The following BAHCC1 variants were observed in gnomAD, a reference collection of about 807,000 sequenced individuals.
BAHCC1 encodes the protein BAH domain and coiled-coil containing 1, also known as BAH and coiled-coil domain-containing protein 1.
Under a neutral mutation model 88.2 loss-of-function variants are expected in BAHCC1, and 43 were observed. The ratio of observed to expected loss-of-function variants is 0.49; its 90% CI spans 0.38 to 0.63. The LOEUF (loss-of-function observed/expected upper bound fraction) is 0.63. Among genes scored for constraint, BAHCC1 ranks in the 20% least tolerant of loss-of-function variants. The probability of loss-of-function intolerance (pLI) is 0.00; values close to 1 mark genes in which losing one functional copy is unlikely to be tolerated. For missense variants in BAHCC1, 3,023 were observed against 1,654.8 expected (o/e 1.83, Z -14.34); for synonymous variants, 1,510 against 745.5 (o/e 2.03, Z -16.71).
chr17:81,407,927 A>C (rs1200642981), intron 2 of BAHCC1, among the ~76,000 whole-genome samples: 1 of 152,182 alleles, frequency 6.6e-6, no homozygotes, highest in Non-Finnish European at 1.5e-5. Context: ...TTGCTTAGTG[A>C]CTGGCACGGG....
Position 81,399,282 on chromosome 17 carries a change from G to C in BAHCC1, c.-206-252G>C. ...ACGGGAGGCGGCGAGCAGTGCGGCT[G>C]GGTTCCCCCGGCTGCCCCGGGCCAA... On this transcript the variant is annotated intron_variant, in intron 1 of 27. Coordinates refer to ENST00000675386, the MANE Select transcript of BAHCC1 (RefSeq NM_001377448.1). The surrounding 1 kb of genome is among the most constrained non-coding windows in gnomAD (Gnocchi z 4.5). 1 of 343,432 alleles carries C rather than the reference G, an allele frequency of 2.9e-6. No homozygotes were observed. The highest frequency in any genetic ancestry group is 5.9e-6 in the Non-Finnish European group (1 of 168,782). The allele number at this position is 343,432 out of a possible 1,614,324, so 21.3% of individuals were successfully genotyped here.
chr17:81,436,636 G>A (rs1392924704), intron 3 of BAHCC1, among the ~76,000 whole-genome samples: 3 of 148,146 alleles, frequency 2.0e-5, no homozygotes, highest in South Asian at 2.1e-4. Context: ...AGCTTTGGTC[G>A]AATCTTCCAG....
chr17:81,418,788 C>CGTGTGTGT (rs1393659232), intron 2 of BAHCC1, among the ~76,000 whole-genome samples: 4 of 4,270 alleles, frequency 9.4e-4, no homozygotes, highest in Non-Finnish European at 2.2e-3. Flanking sequence ...TGTGTGTGTA[C>CGTGTGTGT]GTGTGTGCGT....
In BAHCC1 at chr17:81,452,067, C is replaced by A; in HGVS notation, c.4276C>A (p.Gln1426Lys). The A allele has an allele frequency of 3.2e-6, 2 of 628,288 alleles. No homozygotes were observed. The highest frequency in any genetic ancestry group is 1.9e-5 in the South Asian group (1 of 53,018). The allele number at this position is 628,288 out of a possible 1,614,324, so 38.9% of individuals were successfully genotyped here. Residue 1426 changes from glutamine to lysine, a missense_variant, in exon 13 of 28, where the codon CAG becomes AAG. By Grantham distance (53) the Gln-to-Lys change is moderately conservative. Transcript: ENST00000675386. ...GCTGCAGCGGCGCTACAAGGAGAAG[C>A]AGCGGGAGCTGGCCCGCCTGCAGCG... ...AELQRRYKEK[Q>K]RELARLQRKH... is the part of the protein sequence containing the mutation.
At chr17:81,445,919 G>C (rs2064518704) in intron 10 of BAHCC1, among the ~76,000 whole-genome samples, 1 of 152,278 alleles carries the variant, frequency 6.6e-6, no homozygotes. Flanking sequence ...ACGAAGGCGG[G>C]AGGAAGACGG....
Position 81,415,861 on chromosome 17 carries a change from C to T in BAHCC1, c.179-10939C>T, listed in dbSNP as rs149265022. 2.6e-4 allele frequency among the ~76,000 whole-genome samples: 40 copies of T among 152,358 alleles called. No individual in the cohort carries two copies. In the East Asian group the frequency reaches 7.7e-3, roughly 29 times the overall value. The stretch of plus-strand genomic sequence containing the variant: ...CCCCAGCTCTGGGGGCTGCAACTAC[C>T]CACAGAACCATCGAGGACGGCCCAG... On this transcript the variant is annotated intron_variant, in intron 2 of 27. Coordinates refer to ENST00000675386, the MANE Select transcript of BAHCC1 (RefSeq NM_001377448.1).
Position 81,445,599 on chromosome 17 carries a change from G to A in BAHCC1, c.3081G>A (p.Gly1027=). 3 of 728,088 alleles carry A rather than the reference G, an allele frequency of 4.1e-6. No individual in the cohort carries two copies. The highest frequency in any genetic ancestry group is 7.7e-6 in the Non-Finnish European group (3 of 391,770). The allele number at this position is 728,088 out of a possible 1,614,324, so 45.1% of individuals were successfully genotyped here. A position where few individuals can be genotyped will look rare whatever the true frequency, so the allele number is the denominator to read the frequency against. The change falls in exon 10 of 28, where the codon GGG becomes GGA. Residue 1027 remains glycine, a synonymous_variant. Transcript: ENST00000675386. Reference sequence around the variant, plus strand: ...ATGTCTGCCCTGCCAGCAGCCCCGGGCCTGGCTCCCGGGTGCGCAGCGCCG... The same window carrying A: ...ATGTCTGCCCTGCCAGCAGCCCCGGACCTGGCTCCCGGGTGCGCAGCGCCG... ...TLNVCPASSP[G]PGSRVRSAEE... is the part of the protein sequence containing the mutation.
rs781948494 is a variant in BAHCC1 at position 81,461,426 on chromosome 17, G to A, written c.6763G>A (p.Asp2255Asn). ...SYVHPALVGKDKKGRAPIPPL... is the reference protein window; with the variant it reads ...SYVHPALVGKNKKGRAPIPPL... Reference sequence around the variant, plus strand: ...TGTGCACCCGGCCCTTGTGGGCAAGGACAAGAAGGGGCGGGCACCCATCCC... The same window carrying A: ...TGTGCACCCGGCCCTTGTGGGCAAGAACAAGAAGGGGCGGGCACCCATCCC... Residue 2255 changes from aspartate to asparagine, a missense_variant, in exon 26 of 28, where the codon GAC becomes AAC. By Grantham distance (23) the Asp-to-Asn change is conservative. Transcript: ENST00000675386. 1.8e-5 allele frequency: 13 copies of A among 732,112 alleles called. No homozygotes were observed. The South Asian group carries it at 1.9e-4, about 11-fold the overall frequency. 45.4% of individuals were successfully genotyped at this position (732,112 alleles called of 1,614,324 possible).
intron 3 of BAHCC1, among the ~76,000 whole-genome samples, chr17:81,436,097 C>T (rs1283055808): frequency 1.3e-5 from 2 of 151,814 alleles, no homozygotes; most frequent in Non-Finnish European, 2.9e-5. Context: ...CCTCTCTGCT[C>T]CCCGCCCCTC....
rs138474877 is a variant in BAHCC1 at position 81,422,093 on chromosome 17, C to T, written c.179-4707C>T. 740 of 231,320 alleles carry T rather than the reference C, an allele frequency of 3.2e-3. 6 individuals are homozygous for T. The highest frequency in any genetic ancestry group is 0.017 in the African/African-American group (700 of 42,422). The allele number at this position is 231,320 out of a possible 1,614,324, so 14.3% of individuals were successfully genotyped here. On this transcript the variant is annotated intron_variant, in intron 2 of 27. Transcript: ENST00000675386. ...GTGGAACAATCTCTGCTCACTGCAA[C>T]CCCTGCCTCCCAGATTCAAGCAATT...
At position 81,442,175 on chromosome 17, in the gene BAHCC1, C is replaced by T. The variant is rs1390366237; in HGVS notation, c.826C>T (p.Arg276Cys). The T allele has an allele frequency of 2.4e-5, 16 of 653,824 alleles. No homozygotes were observed. Among genetic ancestry groups the T allele is most frequent in the East Asian group, 5.6e-5 (2 of 35,616 alleles). The allele number at this position is 653,824 out of a possible 1,614,324, so 40.5% of individuals were successfully genotyped here. Reference protein sequence around the residue: ...GPAPRGACEGRPKHLTSCLLN... With the variant: ...GPAPRGACEGCPKHLTSCLLN... ...CGCACCCCGAGGGGCCTGCGAGGGC[C>T]GCCCCAAGCACCTCACCTCCTGCCT... Residue 276 changes from arginine to cysteine, a missense_variant, in exon 5 of 28, where the codon CGC becomes TGC. Arg to Cys is a radical substitution (Grantham distance 180). Coordinates refer to ENST00000675386, the MANE Select transcript of BAHCC1 (RefSeq NM_001377448.1).
chr17:81,449,875 C>T (rs1185361615), intron 11 of BAHCC1, among the ~76,000 whole-genome samples: 2 of 152,186 alleles, frequency 1.3e-5, no homozygotes, highest in African/African-American at 4.8e-5. Context: ...TTGTGGCCCC[C>T]TGGCCCTCCC....
intron 3 of BAHCC1, among the ~76,000 whole-genome samples, chr17:81,432,680 C>T (rs1232517023): frequency 1.2e-5 from 1 of 83,896 alleles, no homozygotes; most frequent in Admixed American, 1.1e-4. Flanking sequence ...CTCCCATCCC[C>T]GGGCCCACCC....
rs980647691 is a variant in BAHCC1, at chr17:81,426,837, G to C, written c.216G>C (p.Ser72=). 3.5e-5 allele frequency: 14 copies of C among 399,126 alleles called. No homozygotes were observed. The Middle Eastern group carries it at 3.7e-3, about 106-fold the overall frequency. The allele number at this position is 399,126 out of a possible 1,614,324, so 24.7% of individuals were successfully genotyped here. ...SRLMGSSPAS[S]FMGSFLTSSL... Reference sequence around the variant, plus strand: ...TGATGGGAAGTTCTCCGGCCTCCTCGTTCATGGGCAGTTTCCTCACCAGCA... The same window carrying C: ...TGATGGGAAGTTCTCCGGCCTCCTCCTTCATGGGCAGTTTCCTCACCAGCA... Residue 72 remains serine (S), a synonymous_variant, in exon 3 of 28, where the codon TCG becomes TCC. Coordinates refer to ENST00000675386, the MANE Select transcript of BAHCC1 (RefSeq NM_001377448.1).
In BAHCC1 at chr17:81,464,183, G is replaced by A; in HGVS notation, c.*366G>A. 5.7e-6 allele frequency: 2 copies of A among 348,740 alleles called. No homozygotes were observed. Among genetic ancestry groups the A allele is most frequent in the South Asian group, 7.2e-5 (2 of 27,654 alleles). 21.6% of individuals were successfully genotyped at this position (348,740 alleles called of 1,614,324 possible). ...CCACCAGGGAAAGCAGAAATCAGGT[G>A]TGTTGTCTATTTATTTCTCTATGTA... On this transcript the variant is annotated 3_prime_UTR_variant, in exon 28 of 28. Coordinates refer to ENST00000675386, the MANE Select transcript of BAHCC1 (RefSeq NM_001377448.1).
rs377728260 is a variant in BAHCC1 at position 81,463,685 on chromosome 17, G to A, written c.7695G>A (p.Ala2565=). 6.2e-5 allele frequency: 48 copies of A among 779,682 alleles called. No individual in the cohort carries two copies. Among genetic ancestry groups the A allele is most frequent in the African/African-American group, 3.4e-4 (20 of 59,274 alleles). The allele number at this position is 779,682 out of a possible 1,614,324, so 48.3% of individuals were successfully genotyped here. ...QTISHKCQVV[A]REQYEQMARS... ...TCTCCCACAAGTGCCAGGTCGTGGC[G>A]CGCGAGCAGTATGAGCAGATGGCCC... The change falls in exon 28 of 28, where the codon GCG becomes GCA. Residue 2565 remains alanine (A), a synonymous_variant. Transcript: ENST00000675386.
rs781822242 is a variant in BAHCC1 at position 81,462,866 on chromosome 17, G to A, written c.7510G>A (p.Gly2504Ser). 3 of 783,904 alleles carry A rather than the reference G, an allele frequency of 3.8e-6. No homozygotes were observed. The highest frequency in any genetic ancestry group is 2.4e-6 in the Non-Finnish European group (1 of 421,162). 48.6% of individuals were successfully genotyped at this position (783,904 alleles called of 1,614,324 possible). A position where few individuals can be genotyped will look rare whatever the true frequency, so the allele number is the denominator to read the frequency against. The part of the protein sequence containing the change: ...SAGRPNLPYI[G>S]RIESMWESWG... The stretch of plus-strand genomic sequence containing the variant: ...TGGGCGGCCCAACCTCCCCTACATC[G>A]GCCGCATCGAGAGCATGTGGGAGTC... The change falls in exon 27 of 28, where the codon GGC becomes AGC. Residue 2504 changes from glycine to serine, a missense_variant. Transcript: ENST00000675386.
At chr17:81,429,582 G>A (rs1238169440) in intron 3 of BAHCC1, among the ~76,000 whole-genome samples, 7 of 152,206 alleles carry the variant, frequency 4.6e-5, no homozygotes, top group South Asian at 2.1e-4. Flanking sequence ...TTTCTCTGCC[G>A]TGTGTGTTCA....
intron 2 of BAHCC1, 132 bp downstream of exon 2, chr17:81,400,049 G>C: frequency 1.2e-6 from 1 of 821,072 alleles, no homozygotes; most frequent in Non-Finnish European, 1.6e-6. Flanking sequence ...CTGCCTGGGC[G>C]CTGAGCGGGG....
Sources: allele counts gnomAD v4.1 joint callset (sites outside exome capture counted in the v4.1 genomes callset), GRCh38; gene constraint gnomAD v4.1.1; non-coding constraint Gnocchi (gnomAD v3.1); transcripts MANE v1.5; gene names NCBI Gene and HGNC (gene_info 2026-07-23, HGNC 2026-07-21).